Variants in STAB2 observed in about 807,000 individuals in gnomAD.
STAB2 encodes the protein stabilin-2.
A neutral mutation model predicts 338.1 loss-of-function variants in STAB2; 288 were observed. That is an observed-to-expected ratio of 0.85 (90% confidence interval 0.77 to 0.94). The LOEUF (loss-of-function observed/expected upper bound fraction) is 0.94. Among genes scored for constraint, STAB2 ranks in the 40% least tolerant of loss-of-function variants. The pLI, the probability that STAB2 is intolerant of heterozygous loss-of-function variation, is 0.00. For synonymous variants in STAB2, 1,202 were observed against 1,193.3 expected (o/e 1.01, Z -0.15); for missense variants, 3,141 against 3,210.1 (o/e 0.98, Z 0.52).
intron 34 of STAB2, among the ~76,000 whole-genome samples, chr12:103,701,148 C>G (rs1240827277): frequency 1.3e-5 from 2 of 151,572 alleles, no homozygotes; most frequent in African/African-American, 4.8e-5. Context: ...ATGATGATTT[C>G]CAATTTCATC....
chr12:103,602,833 C>G (rs1956972823), intron 3 of STAB2, among the ~76,000 whole-genome samples: 1 of 152,164 alleles, frequency 6.6e-6, no homozygotes, highest in East Asian at 1.9e-4. Context: ...TCTTCCCAGT[C>G]TGTGTCTTGT....
chr12:103,750,733 A>G lies in STAB2; in HGVS notation c.6580+13A>G, dbSNP rs756798654. 1 of 1,608,336 alleles carries G rather than the reference A, an allele frequency of 6.2e-7. No individual in the cohort carries two copies. The highest frequency in any genetic ancestry group is 8.5e-7 in the Non-Finnish European group (1 of 1,175,518). ...CTCCACTTCCAGGGTTAGTGTGACCAGGGCCTATGGCCCAAAGCACCCTCC... is the reference window on the plus strand; with the variant it reads ...CTCCACTTCCAGGGTTAGTGTGACCGGGGCCTATGGCCCAAAGCACCCTCC... On this transcript the variant is annotated intron_variant, in intron 60 of 68. Coordinates refer to ENST00000388887, the MANE Select transcript of STAB2 (RefSeq NM_017564.10).
intron 52 of STAB2, 26 bp downstream of exon 52, chr12:103,735,606 A>AT: frequency 1.9e-6 from 1 of 529,332 alleles, no homozygotes; most frequent in Non-Finnish European, 3.7e-6. Context: ...AAGGGTGGGC[A>AT]GGGAGGGGTT....
At position 103,711,476 on chromosome 12, in the gene STAB2, A is replaced by G. The variant is rs1879849521; in HGVS notation, c.4294A>G (p.Thr1432Ala). 6.2e-7 allele frequency: 1 copy of G among 1,614,114 alleles called. No individual in the cohort carries two copies. Among genetic ancestry groups the G allele is most frequent in the African/African-American group, 1.3e-5 (1 of 75,056 alleles). The change falls in exon 40 of 69, where the codon ACA (threonine) becomes GCA (alanine). Residue 1432 changes from threonine to alanine, a missense_variant. Coordinates refer to ENST00000388887, the MANE Select transcript of STAB2 (RefSeq NM_017564.10). ...WRGVHCDNATTEDNCNGTCHT... is the reference protein window; with the variant it reads ...WRGVHCDNATAEDNCNGTCHT... ...CAACTGGTTCTCTTTTTCAGCAACC[A>G]CAGAAGACAACTGCAATGGGACATG...
rs977067545 is a variant in STAB2 at position 103,757,019 on chromosome 12, A to G, written c.6988-1151A>G. Among the ~76,000 whole-genome samples, 80 of 133,970 alleles carry G rather than the reference A, an allele frequency of 6.0e-4. 1 individual carries two copies. The highest frequency in any genetic ancestry group is 1.8e-3 in the African/African-American group (68 of 37,528). The allele number at this position is 133,970 out of a possible 152,430, so 87.9% of individuals were successfully genotyped here. ...AAAATATATATATATATATATATATATATATATATATAAAATATATATATT... is the reference window on the plus strand; with the variant it reads ...AAAATATATATATATATATATATATGTATATATATATAAAATATATATATT... On this transcript the variant is annotated intron_variant, in intron 63 of 68. Coordinates refer to ENST00000388887, the MANE Select transcript of STAB2 (RefSeq NM_017564.10).
intron 25 of STAB2, 45 bp from the exon 26 acceptor site, chr12:103,683,160 C>A: frequency 1.9e-6 from 3 of 1,540,084 alleles, no homozygotes; most frequent in Non-Finnish European, 2.7e-6. Flanking sequence ...ACATGGAAGG[C>A]ACTTGCTTTC....
At chr12:103,730,019 C>T in intron 48 of STAB2, 97 bp from the exon 49 acceptor site, 1 of 1,215,228 alleles carries the variant, frequency 8.2e-7, no homozygotes, top group Non-Finnish European at 1.1e-6. Context: ...GTTTTTGCTC[C>T]TGATAATTTG....
intron 1 of STAB2, among the ~76,000 whole-genome samples, 155 bp downstream of exon 1, chr12:103,587,712 C>T (rs1426657039): frequency 6.6e-6 from 1 of 152,198 alleles, no homozygotes; most frequent in Non-Finnish European, 1.5e-5. Flanking sequence ...TTGTGATGCA[C>T]CATCTTTCCG....
At chr12:103,694,085 T>C (rs554335085) in intron 31 of STAB2, among the ~76,000 whole-genome samples, 248 of 152,234 alleles carry the variant, frequency 1.6e-3, no homozygotes, top group Non-Finnish European at 2.4e-3. Context: ...CTTCTCTATC[T>C]GTCAATTGGC....
chr12:103,686,616 C>T (rs1455213808), intron 27 of STAB2, among the ~76,000 whole-genome samples: 1 of 152,138 alleles, frequency 6.6e-6, no homozygotes, highest in African/African-American at 2.4e-5. Flanking sequence ...GGTGATCCTC[C>T]TGTCTCAGCC....
chr12:103,731,464 C>G, intron 49 of STAB2, 112 bp from the exon 50 acceptor site: 1 of 1,044,888 alleles, frequency 9.6e-7, no homozygotes, highest in South Asian at 1.6e-5. Context: ...ATGAGCCCAT[C>G]TATGTATCCG....
chr12:103,720,423 A>C (rs1322282252), intron 44 of STAB2, among the ~76,000 whole-genome samples: 1 of 152,196 alleles, frequency 6.6e-6, no homozygotes, highest in Admixed American at 6.5e-5. Flanking sequence ...TGCTGCTCTA[A>C]TGGGGAAATA....
chr12:103,765,197 T>C (rs960377861), intron 68 of STAB2, among the ~76,000 whole-genome samples: 3 of 150,618 alleles, frequency 2.0e-5, no homozygotes, highest in Non-Finnish European at 4.4e-5. Context: ...CAGAAACAAA[T>C]GCATACATCC....
rs552134713 is a variant in STAB2, at chr12:103,680,319, GA to G, written c.2805+2717del. Among the ~76,000 whole-genome samples, 915 of 150,816 alleles carry G rather than the reference GA, an allele frequency of 6.1e-3. 7 individuals are homozygous for G. Among genetic ancestry groups the G allele is most frequent in the Non-Finnish European group, 9.6e-3 (652 of 67,612 alleles). On this transcript the variant is annotated intron_variant, in intron 25 of 68. Transcript: ENST00000388887. ...ATATATTTACTTCAATTCTTAAGAAGAAAAAAAAACTGGTTTAAAAAGAAAA... is the reference window on the plus strand; with the variant it reads ...ATATATTTACTTCAATTCTTAAGAAGAAAAAAAACTGGTTTAAAAAGAAAA...
chr12:103,713,790 A>G (rs748419888), intron 42 of STAB2, 22 bp downstream of exon 42: 17 of 1,612,404 alleles, frequency 1.1e-5, no homozygotes, highest in Admixed American at 1.0e-4. Flanking sequence ...TCCCTCTTCC[A>G]TCGGCGAAAT....
chr12:103,686,192 G>A (rs998591028), intron 27 of STAB2, among the ~76,000 whole-genome samples: 1 of 151,862 alleles, frequency 6.6e-6, no homozygotes, highest in East Asian at 1.9e-4. Context: ...CTGAAATCAC[G>A]AGCCTAACAA....
chr12:103,724,524 T>G (rs373966887), intron 44 of STAB2, among the ~76,000 whole-genome samples: 2 of 152,124 alleles, frequency 1.3e-5, no homozygotes, highest in Non-Finnish European at 2.9e-5. Flanking sequence ...GTATTTTAGG[T>G]CTCTGCCCAT....
At chr12:103,664,112 A>AGTTTTGTTTTGTTTG (rs1874860277) in intron 18 of STAB2, among the ~76,000 whole-genome samples, 1 of 151,438 alleles carries the variant, frequency 6.6e-6, no homozygotes, top group African/African-American at 2.4e-5. Flanking sequence ...TGGCTCAGCC[A>AGTTTTGTTTTGTTTG]GTTTTGTTTT....
intron 11 of STAB2, 72 bp downstream of exon 11, chr12:103,650,650 T>G (rs1873672077): frequency 7.9e-7 from 1 of 1,266,660 alleles, no homozygotes; most frequent in Non-Finnish European, 1.1e-6. Context: ...CTTCTTTTAT[T>G]TAAAGTGGGA....
Sources: gnomAD v4.1 joint callset for allele counts (sites outside exome capture counted in the v4.1 genomes callset) on GRCh38, gnomAD v4.1.1 for gene constraint, MANE v1.5 for transcripts, NCBI Gene and HGNC (gene_info 2026-07-23, HGNC 2026-07-21) for gene names.